The following NOL8 variants were observed in gnomAD, a reference collection of about 807,000 sequenced individuals.
NOL8 encodes the protein nucleolar protein Nop132.
A neutral mutation model predicts 116.1 loss-of-function variants in NOL8; 93 were observed. That is an observed-to-expected ratio of 0.80 (90% CI 0.68 to 0.95). The LOEUF (loss-of-function observed/expected upper bound fraction) is 0.95, where lower values mean the gene tolerates loss of function less well. Among genes scored for constraint, NOL8 ranks in the 40% least tolerant of loss-of-function variants. The pLI is 0.00. For synonymous variants in NOL8, 419 were observed against 469.0 expected (o/e 0.89, Z 1.38); for missense variants, 1,291 against 1,382.8 (o/e 0.93, Z 1.05).
At chr9:92,324,737 TTA>T (rs1289258543) in intron 1 of NOL8, 1 of 152,056 alleles carries the variant, frequency 6.6e-6, no homozygotes, top group African/African-American at 2.4e-5. Flanking sequence ...TGGCACAATA[TTA>T]TGTCACAATA....
At chr9:92,312,999 T>TG (rs1564223763) in intron 7 of NOL8, among the ~76,000 whole-genome samples, 2 of 151,118 alleles carry the variant, frequency 1.3e-5, no homozygotes, top group African/African-American at 2.4e-5. Context: ...AAAAAAAGCA[T>TG]TGTCTTAAAA....
At position 92,306,929 on chromosome 9, in the gene NOL8, T is replaced by C. The variant is rs747435252; in HGVS notation, c.2782A>G (p.Ser928Gly). The C allele has an allele frequency of 6.2e-7, 1 of 1,613,548 alleles. No homozygotes were observed. Among genetic ancestry groups the C allele is most frequent in the African/African-American group, 1.3e-5 (1 of 75,062 alleles). ...VVQSVLQINL[S>G]NSTNRGSVAA... is the part of the protein sequence containing the mutation. ...ACTGATCCTCTGTTTGTAGAATTGC[T>C]TAAGTTGATTTGCAAAACACTTTGT... is the stretch of plus-strand genomic sequence containing the variant. The change falls in exon 11 of 17, where the codon AGC becomes GGC. Residue 928 changes from serine (S) to glycine (G), a missense_variant. Physicochemically the swap from Ser to Gly is moderately conservative, Grantham distance 56. Transcript: ENST00000442668.
chr9:92,318,644 G>C lies in NOL8; in HGVS notation c.460C>G (p.His154Asp). 2 of 1,601,814 alleles carry C rather than the reference G, an allele frequency of 1.2e-6. No individual in the cohort carries two copies. The highest frequency in any genetic ancestry group is 1.8e-5 in the Admixed American group (1 of 56,744). The change falls in exon 6 of 17, where the codon CAC becomes GAC. Residue 154 changes from histidine (H) to aspartate (D), a missense_variant. Transcript: ENST00000442668. ...TTACGTTTATGTTGATTTTTAAGGT[G>C]AAGAACAGGTAAGACTCTTCCAAAT... ...SKFGRVLPVL[H>D]LKNQHKRKII...
intron 12 of NOL8, among the ~76,000 whole-genome samples, chr9:92,304,149 G>A (rs1838010838): frequency 6.6e-6 from 1 of 152,182 alleles, no homozygotes; most frequent in South Asian, 2.1e-4. Context: ...ACCTGTGCCA[G>A]CACTTATGAA....
At chr9:92,298,419 C>A (rs1837434375) in intron 15 of NOL8, 83 bp from the exon 16 acceptor site, 1 of 772,472 alleles carries the variant, frequency 1.3e-6, no homozygotes, top group Non-Finnish European at 2.1e-6. Flanking sequence ...TTATCAAGGT[C>A]TCGAATACCA....
intron 4 of NOL8, chr9:92,320,355 C>A: frequency 2.8e-6 from 1 of 353,190 alleles, no homozygotes; most frequent in East Asian, 7.4e-5. Context: ...GGCTCTAGTG[C>A]CTGTACACAG....
chr9:92,323,757 C>T (rs951481320), intron 2 of NOL8, among the ~76,000 whole-genome samples: 6 of 151,608 alleles, frequency 4.0e-5, no homozygotes, highest in African/African-American at 1.2e-4. Context: ...GTCTACTTAA[C>T]GGGACACTTA....
At chr9:92,323,388 T>G (rs1338786115) in intron 3 of NOL8, 53 bp downstream of exon 3, 2 of 1,550,260 alleles carry the variant, frequency 1.3e-6, no homozygotes, top group South Asian at 1.2e-5. Flanking sequence ...TTATTCCAAG[T>G]TACAGAGTCA....
At chr9:92,324,428 G>A in intron 1 of NOL8, 1 of 324,310 alleles carries the variant, frequency 3.1e-6, no homozygotes, top group African/African-American at 2.1e-5. Context: ...TATAGACACA[G>A]GTACAGACAG....
intron 4 of NOL8, 50 bp from the exon 5 acceptor site, chr9:92,319,406 T>TA: frequency 3.4e-6 from 5 of 1,478,434 alleles, no homozygotes; most frequent in Non-Finnish European, 3.6e-6. Context: ...ATCAGCCACG[T>TA]AAAATGGTTA....
intron 2 of NOL8, 57 bp from the exon 3 acceptor site, chr9:92,323,560 G>T (rs1840108575): frequency 2.1e-6 from 3 of 1,412,660 alleles, no homozygotes; most frequent in Admixed American, 2.2e-5. Flanking sequence ...TATCCAGAGA[G>T]CAATGTAAAA....
chr9:92,311,573 A>T (rs1239969958), intron 7 of NOL8, among the ~76,000 whole-genome samples: 1 of 152,192 alleles, frequency 6.6e-6, no homozygotes, highest in Admixed American at 6.5e-5. Context: ...AAAGACAAAC[A>T]CATGGCCAAC....
chr9:92,323,340 C>T (rs768205725), intron 3 of NOL8, 101 bp downstream of exon 3: 65 of 1,544,166 alleles, frequency 4.2e-5, no homozygotes, highest in Non-Finnish European at 5.5e-5. Flanking sequence ...CTCTGGATAA[C>T]GTGAAAAATG....
Position 92,321,622 on chromosome 9 carries a change from C to A in NOL8, c.281+46G>T, listed in dbSNP as rs756980954. The A allele has an allele frequency of 5.6e-6, 6 of 1,067,086 alleles. No individual in the cohort carries two copies. The South Asian group carries it at 9.3e-5, about 16-fold the overall frequency. 66.1% of individuals were successfully genotyped at this position (1,067,086 alleles called of 1,614,324 possible). A position where few individuals can be genotyped will look rare whatever the true frequency, so the allele number is the denominator to read the frequency against. On this transcript the variant is annotated intron_variant, in intron 4 of 16. Transcript: ENST00000442668. ...TTGAAATAATATATAAAACCACTTA[C>A]AATATAAAAAAAATAGGGCTTAAAT...
At position 92,315,797 on chromosome 9, in the gene NOL8, C is replaced by T. The variant is rs759393885; in HGVS notation, c.828G>A (p.Gln276=). 118 of 1,613,742 alleles carry T rather than the reference C, an allele frequency of 7.3e-5. No individual in the cohort carries two copies. In the South Asian group the frequency reaches 1.1e-3, roughly 16 times the overall value. The change falls in exon 7 of 17, where the codon CAG becomes CAA. Residue 276 remains glutamine (Q), a synonymous_variant. Coordinates refer to ENST00000442668, the MANE Select transcript of NOL8 (RefSeq NM_017948.6). The part of the protein sequence containing the change: ...KSSPVPVSDT[Q]KLKNLPFKTS... ...TCTTAAAAGGTAGATTTTTAAGTTT[C>T]TGAGTATCAGAAACAGGTACAGGAG... is the stretch of plus-strand genomic sequence containing the variant.
Position 92,315,526 on chromosome 9 carries a change from C to T in NOL8, c.1099G>A (p.Asp367Asn). The stretch of plus-strand genomic sequence containing the variant: ...TCACGATCATTTCTCATAATATCAT[C>T]ATCACTATCATGGCAAGAGACACGA... ...KNRVSCHDSD[D>N]DIMRNDREYD... The change falls in exon 7 of 17, where the codon GAT becomes AAT. Residue 367 changes from aspartate to asparagine, a missense_variant. Asp to Asn is a conservative substitution (Grantham distance 23). Coordinates refer to ENST00000442668, the MANE Select transcript of NOL8 (RefSeq NM_017948.6). The T allele has an allele frequency of 3.1e-6, 5 of 1,611,300 alleles. No homozygotes were observed. Among genetic ancestry groups the T allele is most frequent in the Non-Finnish European group, 3.4e-6 (4 of 1,178,838 alleles).
At chr9:92,300,912 A>G in intron 13 of NOL8, 9 of 978,868 alleles carry the variant, frequency 9.2e-6, no homozygotes, top group Non-Finnish European at 1.1e-5. Context: ...GTATGTGTGT[A>G]TTCTTCTGTA....
chr9:92,320,072 A>G (rs1006369501), intron 4 of NOL8: 7 of 455,328 alleles, frequency 1.5e-5, no homozygotes, highest in Non-Finnish European at 3.1e-5. Context: ...CTCTCCATTC[A>G]CTCTTCCCCA....
rs1839353531 is a variant in NOL8, at chr9:92,315,891, C to G, written c.734G>C (p.Arg245Thr). ...MSTRPRRVIE[R>T]PPLTQQQAAQ... ...AGCCTGTTGCTGTGTTAAGGGTGGTCTCTCTATTACCCTCCTGGGCCTTGT... is the reference window on the plus strand; with the variant it reads ...AGCCTGTTGCTGTGTTAAGGGTGGTGTCTCTATTACCCTCCTGGGCCTTGT... The change falls in exon 7 of 17, where the codon AGA becomes ACA. Residue 245 changes from arginine to threonine, a missense_variant. Coordinates refer to ENST00000442668, the MANE Select transcript of NOL8 (RefSeq NM_017948.6). 1.2e-6 allele frequency: 2 copies of G among 1,613,650 alleles called. No individual in the cohort carries two copies. Among genetic ancestry groups the G allele is most frequent in the African/African-American group, 2.7e-5 (2 of 74,882 alleles).
Sources: allele counts gnomAD v4.1 joint callset (sites outside exome capture counted in the v4.1 genomes callset), GRCh38; gene constraint gnomAD v4.1.1; transcripts MANE v1.5; gene names NCBI Gene and HGNC (gene_info 2026-07-23, HGNC 2026-07-21).